Variants in NGEF observed in about 807,000 individuals in gnomAD.
NGEF encodes the protein ephexin-1.
In NGEF, 31 loss-of-function variants were observed where a neutral mutation model predicts 80.9. The ratio of observed to expected loss-of-function variants is 0.38; its 90% CI spans 0.29 to 0.52. The LOEUF is 0.52. NGEF is among the 20% of genes least tolerant of loss of function. NGEF has a pLI of 0.84. For synonymous variants in NGEF, 371 were observed against 370.2 expected, an observed-to-expected ratio of 1.00 and a Z score of -0.03; for missense variants, 709 against 926.2, an observed-to-expected ratio of 0.77 and a Z score of 3.04.
intron 1 of NGEF, among the ~76,000 whole-genome samples, chr2:232,990,783 G>A (rs928285713): frequency 5.3e-5 from 8 of 151,970 alleles, no homozygotes; most frequent in East Asian, 3.8e-4. Flanking sequence ...CACAAGAAAC[G>A]AAAATTATAG....
At chr2:232,986,062 T>A (rs1287915426) in intron 1 of NGEF, among the ~76,000 whole-genome samples, 1 of 152,142 alleles carries the variant, frequency 6.6e-6, no homozygotes, top group Non-Finnish European at 1.5e-5. Flanking sequence ...ACTTTTGCTT[T>A]AAAATTCTTA....
intron 3 of NGEF, among the ~76,000 whole-genome samples, chr2:232,957,824 G>A (rs1693862145): frequency 6.6e-6 from 1 of 152,158 alleles, no homozygotes; most frequent in Admixed American, 6.5e-5. Context: ...CTGCCCTGCA[G>A]CCCAGTCATC....
intron 3 of NGEF, among the ~76,000 whole-genome samples, chr2:232,940,140 G>A (rs376418817): frequency 1.3e-5 from 2 of 152,026 alleles, no homozygotes; most frequent in African/African-American, 4.8e-5. Context: ...TAATGTTGAC[G>A]GAATTCGTTT....
At chr2:232,939,894 G>T (rs996436155) in intron 3 of NGEF, among the ~76,000 whole-genome samples, 1 of 152,086 alleles carries the variant, frequency 6.6e-6, no homozygotes. Flanking sequence ...TTACTCGGGA[G>T]GCTGAGGCAG....
intron 3 of NGEF, among the ~76,000 whole-genome samples, chr2:232,940,645 A>T (rs1693418437): frequency 1.3e-5 from 2 of 152,248 alleles, no homozygotes; most frequent in South Asian, 2.1e-4. Flanking sequence ...ATACTACAGC[A>T]TTAAACATTA....
intron 3 of NGEF, among the ~76,000 whole-genome samples, chr2:232,961,890 A>G (rs1693960508): frequency 6.6e-6 from 1 of 152,246 alleles, no homozygotes; most frequent in South Asian, 2.1e-4. Flanking sequence ...GCTGAAAAGC[A>G]GAGAAGCAGG....
chr2:232,928,262 C>A (rs186132169), intron 3 of NGEF: 337,123 of 730,254 alleles, frequency 0.46, 80,406 homozygotes, highest in Non-Finnish European at 0.48. Context: ...GGCGGGGGCG[C>A]CCGGGCTGGG....
chr2:232,968,089 C>G (rs1694101555), intron 3 of NGEF, among the ~76,000 whole-genome samples: 1 of 111,226 alleles, frequency 9.0e-6, no homozygotes, highest in South Asian at 2.6e-4. Context: ...AGAAACAGAC[C>G]TGGCTTTTTT....
intron 8 of NGEF, among the ~76,000 whole-genome samples, chr2:232,890,680 T>G (rs1415470299): frequency 6.6e-6 from 1 of 152,126 alleles, no homozygotes; most frequent in Non-Finnish European, 1.5e-5. Context: ...GTCACTGATT[T>G]CAATTCCCTG....
intron 1 of NGEF, among the ~76,000 whole-genome samples, chr2:232,988,036 CGTGTGTGTGTGTGTGTGTGT>C (rs57143286): frequency 3.6e-5 from 5 of 140,266 alleles, no homozygotes; most frequent in South Asian, 2.6e-4. Context: ...GGGATGGTCT[CGTGTGTGTGTGTGTGTGTGT>C]GTGTGTGTGT....
At chr2:233,004,325 C>T (rs1244118735) in intron 1 of NGEF, among the ~76,000 whole-genome samples, 2 of 152,178 alleles carry the variant, frequency 1.3e-5, no homozygotes, top group Non-Finnish European at 2.9e-5. Context: ...TCCCTGCTTT[C>T]CACCTGCACC....
chr2:232,901,824 C>T (rs1692365220), intron 5 of NGEF, among the ~76,000 whole-genome samples: 1 of 152,190 alleles, frequency 6.6e-6, no homozygotes. Context: ...AGGCGTCCTT[C>T]CGGGACTCCC....
At chr2:233,002,784 C>G (rs1695008131) in intron 1 of NGEF, among the ~76,000 whole-genome samples, 1 of 152,172 alleles carries the variant, frequency 6.6e-6, no homozygotes, top group Non-Finnish European at 1.5e-5. Context: ...CGGAGCTAAG[C>G]CTTCCCTCCT....
intron 8 of NGEF, chr2:232,891,060 C>A (rs1015738357): frequency 1.9e-6 from 1 of 523,550 alleles, no homozygotes; most frequent in African/African-American, 1.9e-5. Flanking sequence ...TTTCCTGACC[C>A]GCCCCCATCG....
chr2:232,961,531 C>T (rs1009890485), intron 3 of NGEF, among the ~76,000 whole-genome samples: 1 of 152,026 alleles, frequency 6.6e-6, no homozygotes, highest in African/African-American at 2.4e-5. Flanking sequence ...CTAGCTCTGT[C>T]GCCCAGGCTG....
chr2:232,970,062 T>A (rs1024298447), intron 3 of NGEF, 152 bp downstream of exon 3: 2 of 408,192 alleles, frequency 4.9e-6, no homozygotes, highest in Admixed American at 4.7e-5. Context: ...AATTATGGAG[T>A]TTTTATTTAT....
At chr2:232,907,470 C>G (rs553094732) in intron 5 of NGEF, among the ~76,000 whole-genome samples, 1 of 152,076 alleles carries the variant, frequency 6.6e-6, no homozygotes, top group Admixed American at 6.5e-5. Context: ...CTGAAGATCC[C>G]GGTTTTGTGT....
intron 1 of NGEF, among the ~76,000 whole-genome samples, chr2:232,994,925 T>A (rs1694746300): frequency 8.8e-6 from 1 of 113,080 alleles, no homozygotes; most frequent in Non-Finnish European, 1.8e-5. Flanking sequence ...ATTATATACA[T>A]ACATGGATAT....
chr2:232,953,180 T>C (rs1693716019), intron 3 of NGEF, among the ~76,000 whole-genome samples: 1 of 149,994 alleles, frequency 6.7e-6, no homozygotes, highest in South Asian at 2.1e-4. Context: ...CGCGTGCCTG[T>C]AATCCTAGCT....
Sources: allele counts gnomAD v4.1 joint callset (sites outside exome capture counted in the v4.1 genomes callset), GRCh38; gene constraint gnomAD v4.1.1; transcripts MANE v1.5; gene names NCBI Gene and HGNC (gene_info 2026-07-23, HGNC 2026-07-21).